The following PDZD2 variants were observed in gnomAD, a reference collection of about 807,000 sequenced individuals.
PDZD2 encodes PDZ domain containing 2.
In PDZD2, 90 loss-of-function variants were observed where a neutral mutation model predicts 220.7. The ratio of observed to expected loss-of-function variants is 0.41; its 90% confidence interval spans 0.34 to 0.49. The LOEUF (loss-of-function observed/expected upper bound fraction) is 0.49. Among genes scored for constraint, PDZD2 ranks in the 20% least tolerant of loss-of-function variants. The probability of loss-of-function intolerance (pLI) is 0.28; values close to 1 mark genes in which losing one functional copy is unlikely to be tolerated. For missense variants in PDZD2, 3,174 were observed against 3,608.5 expected, an observed-to-expected ratio of 0.88 and a Z score of 3.08; for synonymous variants, 1,375 against 1,450.5, an observed-to-expected ratio of 0.95 and a Z score of 1.18.
At chr5:32,002,967 AAC>A (rs1315552702) in intron 5 of PDZD2, among the ~76,000 whole-genome samples, 112 of 88,970 alleles carry the variant, frequency 1.3e-3, no homozygotes, top group Non-Finnish European at 2.1e-3. Context: ...CACACACACC[AAC>A]ACACACACAC....
intron 3 of PDZD2, among the ~76,000 whole-genome samples, chr5:31,990,449 C>G (rs1158155957): frequency 6.6e-6 from 1 of 152,094 alleles, no homozygotes; most frequent in East Asian, 1.9e-4. Context: ...GTCTTGTTGC[C>G]CTTTAAGCTA....
At chr5:31,805,232 T>TA (rs759906789) in intron 2 of PDZD2, among the ~76,000 whole-genome samples, 2 of 152,182 alleles carry the variant, frequency 1.3e-5, no homozygotes, top group African/African-American at 2.4e-5. Context: ...CCAATTGTAA[T>TA]ATAGACTCCT....
intron 1 of PDZD2, among the ~76,000 whole-genome samples, chr5:31,761,996 G>A (rs970288267): frequency 6.6e-6 from 1 of 152,150 alleles, no homozygotes; most frequent in Non-Finnish European, 1.5e-5. Flanking sequence ...CACCTCACAT[G>A]GCTAATGCAG....
intron 1 of PDZD2, among the ~76,000 whole-genome samples, chr5:31,643,129 A>G (rs11737943): frequency 0.6 from 91,909 of 152,104 alleles, 29,436 homozygotes; most frequent in South Asian, 0.74. Flanking sequence ...AAGGCCCTCC[A>G]TGACCGCATC....
Position 31,737,348 on chromosome 5 carries a change from A to G in PDZD2, c.-360-61541A>G, listed in dbSNP as rs574172466. On this transcript the variant is annotated intron_variant, in intron 1 of 24. Transcript: ENST00000438447. ...CCACCACGCCCAGCTAATTTGTTGT[A>G]TTTTTAGTAGAGATGGGGTTTCACC... Among the ~76,000 whole-genome samples, 6 of 148,488 alleles carry G rather than the reference A, an allele frequency of 4.0e-5. No homozygotes were observed. The East Asian group carries it at 1.0e-3, about 25-fold the overall frequency.
chr5:31,682,552 T>C (rs1265974380), intron 1 of PDZD2, among the ~76,000 whole-genome samples: 1 of 152,186 alleles, frequency 6.6e-6, no homozygotes, highest in African/African-American at 2.4e-5. Flanking sequence ...TTTTAAAGGT[T>C]AAAGAAATGT....
chr5:31,842,450 C>T (rs372974624), intron 2 of PDZD2, among the ~76,000 whole-genome samples: 1 of 152,214 alleles, frequency 6.6e-6, no homozygotes, highest in East Asian at 1.9e-4. Context: ...TCTGACACAG[C>T]CCATCCCCAG....
chr5:31,682,221 G>A (rs1400975898), intron 1 of PDZD2, among the ~76,000 whole-genome samples: 4 of 152,134 alleles, frequency 2.6e-5, no homozygotes, highest in Non-Finnish European at 4.4e-5. Flanking sequence ...CACAAGCTTC[G>A]CAGAGGGGCT....
intron 2 of PDZD2, among the ~76,000 whole-genome samples, chr5:31,935,699 C>T (rs1449807537): frequency 1.3e-5 from 2 of 152,186 alleles, no homozygotes; most frequent in African/African-American, 4.8e-5. Flanking sequence ...TGTGAAATAT[C>T]AGGTCACTGA....
At position 31,910,749 on chromosome 5, in the gene PDZD2, C is replaced by T. The variant is rs943302258; in HGVS notation, c.477-72406C>T. Among the ~76,000 whole-genome samples the T allele has an allele frequency of 4.6e-5, 7 of 151,662 alleles. No homozygotes were observed. In the East Asian group the frequency reaches 9.7e-4, roughly 21 times the overall value. ...TTCACCATGTTGGCCAGGCTGGTCT[C>T]GAACTCCTGACCTCAAGCTATCCAT... is the stretch of plus-strand genomic sequence containing the variant. On this transcript the variant is annotated intron_variant, in intron 2 of 24. Transcript: ENST00000438447.
chr5:31,923,812 C>T (rs1411909751), intron 2 of PDZD2, among the ~76,000 whole-genome samples: 1 of 152,182 alleles, frequency 6.6e-6, no homozygotes, highest in Admixed American at 6.5e-5. Context: ...TGTACAGGTG[C>T]CTGGACAAGC....
intron 1 of PDZD2, among the ~76,000 whole-genome samples, chr5:31,679,998 T>C (rs1746590401): frequency 6.6e-6 from 1 of 152,254 alleles, no homozygotes; most frequent in Non-Finnish European, 1.5e-5. Flanking sequence ...TCAAAATGTT[T>C]AGCTCCAAAA....
At chr5:32,075,426 G>A (rs911329389) in intron 18 of PDZD2, among the ~76,000 whole-genome samples, 2 of 152,058 alleles carry the variant, frequency 1.3e-5, no homozygotes, top group Non-Finnish European at 2.9e-5. Flanking sequence ...CAGCTGATAA[G>A]GTTATGAGTG....
At chr5:31,903,745 C>T (rs569631840) in intron 2 of PDZD2, among the ~76,000 whole-genome samples, 13 of 151,108 alleles carry the variant, frequency 8.6e-5, no homozygotes, top group African/African-American at 2.2e-4. Flanking sequence ...CTTTTTGAGA[C>T]GGAATTTTGT....
At chr5:32,036,225 G>A (rs983382311) in intron 6 of PDZD2, among the ~76,000 whole-genome samples, 14 of 152,174 alleles carry the variant, frequency 9.2e-5, no homozygotes, top group South Asian at 2.1e-4. Flanking sequence ...CTCTGCCTCC[G>A]GGCATGAGCC....
intron 2 of PDZD2, among the ~76,000 whole-genome samples, chr5:31,913,199 G>T (rs1341152579): frequency 6.6e-6 from 1 of 152,124 alleles, no homozygotes; most frequent in African/African-American, 2.4e-5. Flanking sequence ...CAAAACCCTG[G>T]GCGTGGTGGC....
intron 1 of PDZD2, chr5:31,747,665 A>G (rs1253036957): frequency 6.6e-6 from 1 of 152,294 alleles, no homozygotes; most frequent in South Asian, 2.1e-4. Context: ...GGCATGTCCA[A>G]CACTGACTTC....
chr5:31,676,664 C>G (rs1746437980), intron 1 of PDZD2, among the ~76,000 whole-genome samples: 1 of 151,198 alleles, frequency 6.6e-6, no homozygotes, highest in Admixed American at 6.6e-5. Context: ...AGCGATTCTC[C>G]CTCCCTCAGC....
At chr5:31,805,701 A>G (rs1037025778) in intron 2 of PDZD2, among the ~76,000 whole-genome samples, 2 of 152,180 alleles carry the variant, frequency 1.3e-5, no homozygotes, top group Admixed American at 1.3e-4. Context: ...TGTCCCCCCA[A>G]AATTCATCTG....
Sources: gnomAD v4.1 joint callset for allele counts (sites outside exome capture counted in the v4.1 genomes callset) on GRCh38, gnomAD v4.1.1 for gene constraint, MANE v1.5 for transcripts, NCBI Gene and HGNC (gene_info 2026-07-23, HGNC 2026-07-21) for gene names.